Variants in NAGK observed in about 807,000 individuals in gnomAD.
NAGK encodes N-acetylglucosamine kinase.
NAGK carries 35 observed loss-of-function variants against 42.9 expected under a neutral mutation model. The observed-to-expected ratio is 0.82, with a 90% CI of 0.62 to 1.08. The LOEUF is 1.08. Among genes scored for constraint, NAGK ranks in the 50% least tolerant of loss-of-function variants. NAGK has a pLI of 0.00. For missense variants in NAGK, 446 were observed against 446.0 expected (o/e 1.00, Z 0.00); for synonymous variants, 172 against 176.0 (o/e 0.98, Z 0.18).
chr2:71,075,047 T>G (rs1021795959), intron 6 of NAGK: 2 of 152,588 alleles, frequency 1.3e-5, no homozygotes, highest in Non-Finnish European at 2.9e-5. Flanking sequence ...AGAAACAAAT[T>G]GATTTCTTGA....
intron 9 of NAGK, among the ~76,000 whole-genome samples, chr2:71,077,976 C>A (rs1348006091): frequency 6.6e-6 from 1 of 152,234 alleles, no homozygotes; most frequent in Non-Finnish European, 1.5e-5. Flanking sequence ...ATAATTCTAG[C>A]TAGAAGAAAA....
intron 9 of NAGK, among the ~76,000 whole-genome samples, 164 bp from the exon 10 acceptor site, chr2:71,078,154 C>T (rs111879349): frequency 2.0e-5 from 3 of 152,198 alleles, no homozygotes; most frequent in South Asian, 2.1e-4. Flanking sequence ...CTCCAATACT[C>T]GAGTACCCAG....
At chr2:71,068,983 C>A in intron 1 of NAGK, 1 of 1,234,192 alleles carries the variant, frequency 8.1e-7, no homozygotes, top group Non-Finnish European at 1.0e-6. Context: ...GAAACACCCA[C>A]TCCGCTGTCT....
At chr2:71,073,059 C>T in intron 5 of NAGK, 2 of 464,780 alleles carry the variant, frequency 4.3e-6, no homozygotes, top group Admixed American at 3.3e-5. Flanking sequence ...GCCATAGATG[C>T]CAGGAGATGC....
intron 7 of NAGK, 140 bp from the exon 8 acceptor site, chr2:71,076,464 G>A (rs1039143936): frequency 1.1e-5 from 7 of 629,324 alleles, no homozygotes; most frequent in East Asian, 5.9e-5. Context: ...CACCTGCCAC[G>A]AGGCGGGCAT....
At chr2:71,076,817 C>T in intron 8 of NAGK, 116 bp downstream of exon 8, 1 of 885,884 alleles carries the variant, frequency 1.1e-6, no homozygotes, top group Non-Finnish European at 1.7e-6. Context: ...TTTAAATGAA[C>T]TTAGGGTCTA....
intron 3 of NAGK, chr2:71,071,437 C>G (rs1486042818): frequency 1.9e-6 from 1 of 517,304 alleles, no homozygotes; most frequent in African/African-American, 1.9e-5. Flanking sequence ...AAGAGCACTA[C>G]TGCCCTTCCA....
At chr2:71,073,046 A>G in intron 5 of NAGK, 1 of 475,946 alleles carries the variant, frequency 2.1e-6, no homozygotes, top group South Asian at 2.0e-5. Flanking sequence ...AACTGAGGGT[A>G]AGGCCATAGA....
At chr2:71,074,957 C>T (rs1455226828) in intron 6 of NAGK, 1 of 152,156 alleles carries the variant, frequency 6.6e-6, no homozygotes, top group African/African-American at 2.4e-5. Flanking sequence ...ATTGGTTCCT[C>T]AGGACCTTAG....
chr2:71,075,677 T>G, intron 7 of NAGK, 35 bp downstream of exon 7: 4 of 1,571,382 alleles, frequency 2.5e-6, no homozygotes, highest in Non-Finnish European at 3.5e-6. Context: ...TATCTGGCTT[T>G]GTTCTCCAAA....
intron 8 of NAGK, 78 bp from the exon 9 acceptor site, chr2:71,077,480 T>C: frequency 7.2e-7 from 1 of 1,385,330 alleles, no homozygotes; most frequent in Non-Finnish European, 1.0e-6. Context: ...ATAGAGTGGG[T>C]TGGTCATAGG....
At chr2:71,075,453 A>T in intron 6 of NAGK, 102 bp from the exon 7 acceptor site, 1 of 822,360 alleles carries the variant, frequency 1.2e-6, no homozygotes, top group Non-Finnish European at 2.0e-6. Context: ...AAATTATTCT[A>T]GCTTTTCCAA....
intron 3 of NAGK, 110 bp downstream of exon 3, chr2:71,070,949 A>C: frequency 1.8e-6 from 2 of 1,093,018 alleles, no homozygotes; most frequent in Non-Finnish European, 2.7e-6. Context: ...TCCAAGACTT[A>C]GTCCCTGGTG....
rs758329871 is a variant in NAGK at position 71,070,799 on chromosome 2, G to A, written c.173G>A (p.Arg58Gln). 3.1e-6 allele frequency: 5 copies of A among 1,614,048 alleles called. No homozygotes were observed. In the East Asian group the frequency reaches 6.7e-5, roughly 22 times the overall value. ...AATGAGATGGTGAACAGGGCCAAAC[G>A]GAAAGCAGGGGTGGATCCTCTGGTA... ...RINEMVNRAK[R>Q]KAGVDPLVPL... is the part of the protein sequence containing the mutation. Residue 58 changes from arginine (R) to glutamine (Q), a missense_variant, in exon 3 of 10, where the codon CGG becomes CAG. By Grantham distance (43) the Arg-to-Gln change is conservative. Transcript: ENST00000244204.
intron 5 of NAGK, 58 bp from the exon 6 acceptor site, chr2:71,073,424 C>A: frequency 8.0e-7 from 1 of 1,244,472 alleles, no homozygotes; most frequent in Non-Finnish European, 1.2e-6. Context: ...CTGAGTTTCC[C>A]TCCTCGTGAG....
Position 71,072,678 on chromosome 2 carries a change from C to T in NAGK, c.393C>T (p.Cys131=). Residue 131 remains cysteine, a synonymous_variant, in exon 5 of 10, where the codon TGC becomes TGT. Transcript: ENST00000244204. Reference sequence around the variant, plus strand: ...TCATATCTGGAACAGGCTCCAACTGCAGGCTCATCAACCCTGATGGCTCCG... The same window carrying T: ...TCATATCTGGAACAGGCTCCAACTGTAGGCTCATCAACCCTGATGGCTCCG... ...VVLISGTGSN[C]RLINPDGSES... is the part of the protein sequence containing the mutation. 6.2e-7 allele frequency: 1 copy of T among 1,614,172 alleles called. No individual in the cohort carries two copies. The highest frequency in any genetic ancestry group is 8.5e-7 in the Non-Finnish European group (1 of 1,180,000).
At chr2:71,073,329 C>G (rs575787370) in intron 5 of NAGK, 153 bp from the exon 6 acceptor site, 2 of 444,402 alleles carry the variant, frequency 4.5e-6, no homozygotes, top group East Asian at 5.1e-5. Context: ...CTCCCACCCC[C>G]CTCTCCCACC....
At chr2:71,077,521 G>T in intron 8 of NAGK, 37 bp from the exon 9 acceptor site, 1 of 1,572,416 alleles carries the variant, frequency 6.4e-7, no homozygotes. Context: ...GGAGAGGCTA[G>T]GTTGGCCCCC....
chr2:71,075,251 T>C, intron 6 of NAGK: 1 of 249,208 alleles, frequency 4.0e-6, no homozygotes, highest in Non-Finnish European at 7.7e-6. Flanking sequence ...ACCTTGTCCC[T>C]AAAAAGGAAA....
Sources: allele counts gnomAD v4.1 joint callset (sites outside exome capture counted in the v4.1 genomes callset), GRCh38; gene constraint gnomAD v4.1.1; transcripts MANE v1.5; gene names NCBI Gene and HGNC (gene_info 2026-07-23, HGNC 2026-07-21).